PCDHA1: variants seen among roughly 807,000 people sequenced by gnomAD.
PCDHA1 encodes protocadherin alpha 1.
In PCDHA1, 42 loss-of-function variants were observed where a neutral mutation model predicts 61.3. That is an observed-to-expected ratio of 0.69 (90% CI 0.54 to 0.89). The LOEUF is 0.89. Ranked by LOEUF, PCDHA1 falls within the 40% of genes least tolerant of loss-of-function variation. PCDHA1 has a pLI of 0.00. For synonymous variants in PCDHA1, 610 were observed against 553.8 expected (o/e 1.10, Z -1.43); for missense variants, 1,256 against 1,235.3 (o/e 1.02, Z -0.25).
Position 140,801,777 on chromosome 5 carries a change from C to T in PCDHA1, c.2394+13093C>T, listed in dbSNP as rs372016432. On this transcript the variant is annotated intron_variant, in intron 1 of 3. Coordinates refer to ENST00000504120, the MANE Select transcript of PCDHA1 (RefSeq NM_018900.4). ...TGATGAGGAAATTAAATCCCTTGGA[C>T]TCGTGTTGAAAAAAAATTTAAATCG... 8.1e-6 allele frequency: 13 copies of T among 1,613,778 alleles called. No homozygotes were observed. The highest frequency in any genetic ancestry group is 1.3e-5 in the African/African-American group (1 of 74,854).
At chr5:140,871,301 C>G in intron 1 of PCDHA1, 4 of 1,613,916 alleles carry the variant, frequency 2.5e-6, no homozygotes, top group Middle Eastern at 1.7e-4. Flanking sequence ...GCGTGCGCGC[C>G]GGGGAAGCCC....
intron 1 of PCDHA1, chr5:140,836,083 C>T (rs2150252253): frequency 1.9e-6 from 3 of 1,613,306 alleles, no homozygotes; most frequent in African/African-American, 2.7e-5. Context: ...GCACTGCTGG[C>T]GCCTCGGGTG....
chr5:140,841,658 C>T lies in PCDHA1; in HGVS notation c.2394+52974C>T, dbSNP rs146047089. On this transcript the variant is annotated intron_variant, in intron 1 of 3. Transcript: ENST00000504120. Reference sequence around the variant, plus strand: ...CCACCTGGAGGTGATCGTGGACAGGCCGCTGCAGGTTTTCCATGTGGACGT... The same window carrying T: ...CCACCTGGAGGTGATCGTGGACAGGTCGCTGCAGGTTTTCCATGTGGACGT... 7.3e-3 allele frequency: 11,721 copies of T among 1,614,100 alleles called. 53 individuals are homozygous for T. Among genetic ancestry groups the T allele is most frequent in the South Asian group, 8.3e-3 (753 of 91,074 alleles).
At chr5:140,963,615 T>A (rs2095780964) in intron 1 of PCDHA1, among the ~76,000 whole-genome samples, 1 of 152,248 alleles carries the variant, frequency 6.6e-6, no homozygotes, top group African/African-American at 2.4e-5. Context: ...TGGGAAAGCT[T>A]AACTTTGTTG....
intron 1 of PCDHA1, among the ~76,000 whole-genome samples, chr5:140,936,532 A>G (rs1431070462): frequency 6.6e-6 from 1 of 152,222 alleles, no homozygotes; most frequent in East Asian, 1.9e-4. Context: ...ATTGCTTTTG[A>G]ATATAGTGCA....
intron 1 of PCDHA1, chr5:140,809,819 T>A (rs1764549384): frequency 5.0e-6 from 2 of 396,282 alleles, no homozygotes; most frequent in African/African-American, 4.1e-5. Context: ...TTCACTATAT[T>A]CACCCTCTTT....
In PCDHA1 at chr5:140,934,078, G is replaced by A. The variant is rs13188437; in HGVS notation, c.2395-44871G>A. On this transcript the variant is annotated intron_variant, in intron 1 of 3. Transcript: ENST00000504120. ...GGCTAACTTTTGGTGTTTTGGGTTC[G>A]CTTTGTTGTATGTTTGCTTTCTATT... is the stretch of plus-strand genomic sequence containing the variant. 1.4e-3 allele frequency among the ~76,000 whole-genome samples: 217 copies of A among 151,620 alleles called. 1 individual carries two copies. Among genetic ancestry groups the A allele is most frequent in the African/African-American group, 4.8e-3 (200 of 41,380 alleles).
chr5:140,804,877 G>C (rs1400050835), intron 1 of PCDHA1: 1 of 591,688 alleles, frequency 1.7e-6, no homozygotes, highest in African/African-American at 1.9e-5. Flanking sequence ...TATTTTTCTT[G>C]ACTCCTCTCC....
chr5:141,003,104 C>G (rs1447493860), intron 3 of PCDHA1, among the ~76,000 whole-genome samples: 1 of 152,236 alleles, frequency 6.6e-6, no homozygotes, highest in East Asian at 1.9e-4. Context: ...ATTTGCTTCA[C>G]AATCTTCTGG....
At chr5:140,852,905 G>C in intron 1 of PCDHA1, 3 of 819,178 alleles carry the variant, frequency 3.7e-6, no homozygotes, top group Non-Finnish European at 4.5e-6. Flanking sequence ...TTGAGTCAGA[G>C]TCTCGCTCTG....
intron 1 of PCDHA1, chr5:140,802,180 C>T: frequency 6.2e-7 from 1 of 1,614,168 alleles, no homozygotes; most frequent in Non-Finnish European, 8.5e-7. Flanking sequence ...AAAGGAAATC[C>T]CCCAATGTCA....
intron 1 of PCDHA1, chr5:140,856,684 A>G (rs1554148977): frequency 1.3e-6 from 2 of 1,597,646 alleles, no homozygotes; most frequent in Admixed American, 1.7e-5. Context: ...TGTTGTTGAC[A>G]GCAACTGATG....
intron 1 of PCDHA1, among the ~76,000 whole-genome samples, chr5:140,976,072 T>C (rs1193049661): frequency 6.6e-6 from 1 of 152,250 alleles, no homozygotes; most frequent in South Asian, 2.1e-4. Context: ...TGTCTTACTG[T>C]GTCAGATATA....
chr5:140,954,282 T>C (rs1554221335), intron 1 of PCDHA1, among the ~76,000 whole-genome samples: 1 of 152,220 alleles, frequency 6.6e-6, no homozygotes. Context: ...TGATTTATAT[T>C]CCTTTGGGTA....
At chr5:140,933,184 G>T (rs1459868769) in intron 1 of PCDHA1, among the ~76,000 whole-genome samples, 4 of 149,618 alleles carry the variant, frequency 2.7e-5, no homozygotes, top group African/African-American at 4.9e-5. Flanking sequence ...ATAAGATAAT[G>T]GTTCAGGATA....
At chr5:140,857,560 G>T in intron 1 of PCDHA1, 1 of 1,596,914 alleles carries the variant, frequency 6.3e-7, no homozygotes, top group Non-Finnish European at 8.6e-7. Flanking sequence ...GCTCGCTGTC[G>T]AGCTACGTGT....
chr5:140,828,406 C>T lies in PCDHA1; in HGVS notation c.2394+39722C>T, dbSNP rs1426756496. On this transcript the variant is annotated intron_variant, in intron 1 of 3. Coordinates refer to ENST00000504120, the MANE Select transcript of PCDHA1 (RefSeq NM_018900.4). ...GGCGGAGCGCGGAGTGCAGCATCCA[C>T]CTGGAGGTGATCGTGGACAGGCCGC... The T allele has an allele frequency of 3.1e-6, 5 of 1,614,244 alleles. No individual in the cohort carries two copies. In the Admixed American group the frequency reaches 5.0e-5, roughly 16 times the overall value.
chr5:140,917,633 A>T (rs537704186), intron 1 of PCDHA1, among the ~76,000 whole-genome samples: 1 of 152,268 alleles, frequency 6.6e-6, no homozygotes, highest in East Asian at 1.9e-4. Context: ...ATGGTTAGCT[A>T]GTTATCCCAG....
chr5:140,870,061 C>G, intron 1 of PCDHA1: 1 of 1,613,758 alleles, frequency 6.2e-7, no homozygotes, highest in Non-Finnish European at 8.5e-7. Flanking sequence ...AATTGAAGTA[C>G]AGGCTACAGA....
Sources: allele counts gnomAD v4.1 joint callset (sites outside exome capture counted in the v4.1 genomes callset), GRCh38; gene constraint gnomAD v4.1.1; transcripts MANE v1.5; gene names NCBI Gene and HGNC (gene_info 2026-07-23, HGNC 2026-07-21).